WDFY4: variants seen among roughly 807,000 people sequenced by gnomAD.
The protein encoded by WDFY4 is WDFY family member 4, also known as WD repeat- and FYVE domain-containing protein 4.
Under a neutral mutation model 351.9 loss-of-function variants are expected in WDFY4, and 169 were observed. The ratio of observed to expected loss-of-function variants is 0.48; its 90% CI spans 0.42 to 0.55. The LOEUF (loss-of-function observed/expected upper bound fraction) is 0.55. Ranked by LOEUF, WDFY4 falls within the 20% of genes least tolerant of loss-of-function variation. The pLI is 0.00. For synonymous variants in WDFY4, 1,622 were observed against 1,574.6 expected, an observed-to-expected ratio of 1.03 and a Z score of -0.71; for missense variants, 3,803 against 3,935.6, an observed-to-expected ratio of 0.97 and a Z score of 0.90.
intron 13 of WDFY4, among the ~76,000 whole-genome samples, chr10:48,762,814 A>C (rs550255258): frequency 1.1e-4 from 17 of 152,346 alleles, no homozygotes; most frequent in African/African-American, 4.1e-4. Context: ...GCACAAAAGC[A>C]GAAGCTGCCA....
intron 48 of WDFY4, 141 bp from the exon 49 acceptor site, chr10:48,943,189 G>A (rs765462519): frequency 6.3e-5 from 57 of 899,500 alleles, no homozygotes; most frequent in Non-Finnish European, 7.5e-5. Flanking sequence ...TGCATGAGAT[G>A]TGCACAAAGT....
At position 48,821,990 on chromosome 10, in the gene WDFY4, C is replaced by T. The variant is rs1241974771; in HGVS notation, c.5825-390C>T. 2.6e-5 allele frequency among the ~76,000 whole-genome samples: 4 copies of T among 152,178 alleles called. No homozygotes were observed. The East Asian group carries it at 7.7e-4, about 29-fold the overall frequency. On this transcript the variant is annotated intron_variant, in intron 34 of 61. Transcript: ENST00000325239. Reference sequence around the variant, plus strand: ...CACACATGGCTGAGCACAGTACCTGCTGTGTTGGTGAGCATAGATGGATAA... The same window carrying T: ...CACACATGGCTGAGCACAGTACCTGTTGTGTTGGTGAGCATAGATGGATAA...
chr10:48,771,871 G>T (rs1303451249), intron 13 of WDFY4, among the ~76,000 whole-genome samples: 1 of 152,190 alleles, frequency 6.6e-6, no homozygotes, highest in East Asian at 1.9e-4. Context: ...AAGCAGGGAG[G>T]ACTCCAAGAA....
rs1386180409 is a variant in WDFY4 at position 48,982,584 on chromosome 10, A to G, written c.*9A>G. On this transcript the variant is annotated 3_prime_UTR_variant, in exon 62 of 62. Coordinates refer to ENST00000325239, the MANE Select transcript of WDFY4 (RefSeq NM_001394531.1). ...GGTCTGCAGATGGGTAGGAAGAGAG[A>G]GGCAGCAGAGGCTCTGGCACAACAG... 6.5e-7 allele frequency: 1 copy of G among 1,549,208 alleles called. No individual in the cohort carries two copies. The highest frequency in any genetic ancestry group is 1.2e-5 in the South Asian group (1 of 83,940).
intron 41 of WDFY4, among the ~76,000 whole-genome samples, chr10:48,874,619 C>T (rs1444745909): frequency 6.6e-6 from 1 of 151,940 alleles, no homozygotes; most frequent in Non-Finnish European, 1.5e-5. Flanking sequence ...GTAGTATTTT[C>T]CCTCACTACA....
At chr10:48,797,697 T>G (rs2132806776) in intron 24 of WDFY4, among the ~76,000 whole-genome samples, 1 of 152,364 alleles carries the variant, frequency 6.6e-6, no homozygotes, top group East Asian at 1.9e-4. Flanking sequence ...TTTAGATTCT[T>G]TCTATATTTT....
At position 48,970,260 on chromosome 10, in the gene WDFY4, G is replaced by T. The variant is rs1489735992; in HGVS notation, c.8899G>T (p.Gly2967Cys). ...TGTGTGGGAGCTCAGCATGACCAAA[G>T]GCCGCCCGAGGGGCTTGCGCCTCCG... ...VCVWELSMTK[G>C]RPRGLRLRQA... Residue 2967 changes from glycine (G) to cysteine (C), a missense_variant, in exon 57 of 62, where the codon GGC becomes TGC. Physicochemically the swap from Gly to Cys is radical, Grantham distance 159 (BLOSUM62 -3). This residue lies in a region of WDFY4 where 3,054 missense variants were observed against 3,148.6 expected (regional missense o/e 0.97). Coordinates refer to ENST00000325239, the MANE Select transcript of WDFY4 (RefSeq NM_001394531.1). 1 of 1,551,366 alleles carries T rather than the reference G, an allele frequency of 6.4e-7. No individual in the cohort carries two copies. The highest frequency in any genetic ancestry group is 1.2e-5 in the South Asian group (1 of 84,058).
Position 48,806,135 on chromosome 10 carries a change from C to A in WDFY4, c.4738+40C>A, listed in dbSNP as rs1193068266. 8 of 1,538,716 alleles carry A rather than the reference C, an allele frequency of 5.2e-6. No homozygotes were observed. In the East Asian group the frequency reaches 2.0e-4, roughly 38 times the overall value. On this transcript the variant is annotated intron_variant, in intron 27 of 61. Transcript: ENST00000325239. ...GCCAGTTCGAAGGCAGTAGGACGGC[C>A]CTCACGGAACCCCTGAGAGGCCCAC...
chr10:48,727,748 T>C (rs1321351008), intron 7 of WDFY4, 89 bp downstream of exon 7: 4 of 1,453,478 alleles, frequency 2.8e-6, no homozygotes, highest in South Asian at 1.4e-5. Context: ...GAAAAATAGA[T>C]ATAGCTCCAT....
Position 48,721,420 on chromosome 10 carries a change from A to G in WDFY4, c.456+53A>G, listed in dbSNP as rs980098304. On this transcript the variant is annotated intron_variant, in intron 4 of 61. Transcript: ENST00000325239. ...CTGGGCACTGCTCATCTAGGTGCAG[A>G]GGGAGGTCCAGCACAGGGTGGTGGC... The G allele has an allele frequency of 2.0e-5, 30 of 1,506,164 alleles. No individual in the cohort carries two copies. The Admixed American group carries it at 5.3e-4, about 27-fold the overall frequency. The allele number at this position is 1,506,164 out of a possible 1,614,324, so 93.3% of individuals were successfully genotyped here. A position where few individuals can be genotyped will look rare whatever the true frequency, so the allele number is the denominator to read the frequency against.
chr10:48,686,735 T>C (rs1228672157), intron 1 of WDFY4, among the ~76,000 whole-genome samples: 1 of 152,250 alleles, frequency 6.6e-6, no homozygotes, highest in Non-Finnish European at 1.5e-5. Flanking sequence ...TGAGTGTACC[T>C]CAATATATTT....
At chr10:48,835,631 C>G (rs1053717050) in intron 39 of WDFY4, among the ~76,000 whole-genome samples, 2 of 152,192 alleles carry the variant, frequency 1.3e-5, no homozygotes, top group African/African-American at 4.8e-5. Flanking sequence ...TCTGGACACT[C>G]AGAAACTGAG....
At position 48,890,687 on chromosome 10, in the gene WDFY4, C is replaced by A; in HGVS notation, c.7276C>A (p.Pro2426Thr). The A allele has an allele frequency of 6.4e-7, 1 of 1,551,668 alleles. No individual in the cohort carries two copies. Among genetic ancestry groups the A allele is most frequent in the South Asian group, 1.2e-5 (1 of 84,060 alleles). ...CATCTGCGAGAACTTCACACTGTCT[C>A]CCACGGGTGATGTCTACTGTACCCG... ...FYICENFTLS[P>T]TGDVYCTRHC... Residue 2426 changes from proline (P) to threonine (T), a missense_variant, in exon 44 of 62, where the codon CCC (proline) becomes ACC (threonine). Physicochemically the swap from Pro to Thr is conservative, Grantham distance 38 (BLOSUM62 -1). Transcript: ENST00000325239.
intron 39 of WDFY4, among the ~76,000 whole-genome samples, chr10:48,839,029 A>G (rs372198584): frequency 6.6e-6 from 1 of 152,336 alleles, no homozygotes; most frequent in East Asian, 1.9e-4. Flanking sequence ...CTCTGCGATG[A>G]CACAGCTGCT....
chr10:48,771,631 G>C (rs2065868923), intron 13 of WDFY4, among the ~76,000 whole-genome samples: 1 of 152,212 alleles, frequency 6.6e-6, no homozygotes, highest in African/African-American at 2.4e-5. Flanking sequence ...AAATGTGTGA[G>C]AGGCTGCAGG....
intron 51 of WDFY4, among the ~76,000 whole-genome samples, chr10:48,950,950 G>T (rs994677099): frequency 6.6e-6 from 1 of 152,210 alleles, no homozygotes; most frequent in Non-Finnish European, 1.5e-5. Context: ...TGCCTGTGTG[G>T]CACACCCAGT....
intron 27 of WDFY4, 151 bp from the exon 28 acceptor site, chr10:48,807,708 T>G: frequency 1.4e-6 from 1 of 701,872 alleles, no homozygotes. Context: ...AAGCATTGTG[T>G]GGAGGCTGGA....
At chr10:48,811,437 TG>T (rs2067442552) in intron 29 of WDFY4, 101 bp from the exon 30 acceptor site, 1 of 979,710 alleles carries the variant, frequency 1.0e-6, no homozygotes, top group Non-Finnish European at 1.5e-6. Flanking sequence ...AGCATTTCTA[TG>T]GGATGGGTGG....
At chr10:48,914,547 A>G (rs1019391816) in intron 47 of WDFY4, among the ~76,000 whole-genome samples, 2 of 152,146 alleles carry the variant, frequency 1.3e-5, no homozygotes, top group East Asian at 3.9e-4. Flanking sequence ...CCCAACCCAG[A>G]GCCATGTGTG....
Sources: allele counts gnomAD v4.1 joint callset (sites outside exome capture counted in the v4.1 genomes callset), GRCh38; gene constraint gnomAD v4.1.1; regional missense constraint gnomAD v4.1.1; transcripts MANE v1.5; gene names NCBI Gene and HGNC (gene_info 2026-07-23, HGNC 2026-07-21).